SS18L1: variants seen among roughly 807,000 people sequenced by gnomAD.
SS18L1 encodes calcium-responsive transactivator.
SS18L1 carries 32 observed loss-of-function variants against 70.3 expected under a neutral mutation model. That is an observed-to-expected ratio of 0.46 (90% CI 0.34 to 0.61). The LOEUF is 0.61. SS18L1 is among the 20% of genes least tolerant of loss of function. The pLI, the probability that SS18L1 is intolerant of heterozygous loss-of-function variation, is 0.01. For synonymous variants in SS18L1, 237 were observed against 229.7 expected (o/e 1.03, Z -0.29); for missense variants, 430 against 542.1 (o/e 0.79, Z 2.05).
In SS18L1 at chr20:62,179,414, T is replaced by C. The variant is rs2057675234; in HGVS notation, c.*206T>C. On this transcript the variant is annotated 3_prime_UTR_variant, in exon 11 of 11. Transcript: ENST00000331758. ...ACAGCGCTTGGTGGTGTGATACTTT[T>C]GGTGCTGTGTATAGTATTGTATGTC... 4.8e-6 allele frequency: 3 copies of C among 619,682 alleles called. No individual in the cohort carries two copies. The highest frequency in any genetic ancestry group is 5.8e-6 in the Non-Finnish European group (2 of 344,572). The allele number at this position is 619,682 out of a possible 1,614,324, so 38.4% of individuals were successfully genotyped here.
chr20:62,146,605 ATTTTTTT>A (rs10673768), intron 1 of SS18L1, among the ~76,000 whole-genome samples: 4 of 79,714 alleles, frequency 5.0e-5, no homozygotes, highest in Admixed American at 1.9e-4. Context: ...TGCTTTGATC[ATTTTTTT>A]TTTTTTTTTT....
chr20:62,173,164 C>A (rs2057563060), intron 9 of SS18L1, among the ~76,000 whole-genome samples: 1 of 152,226 alleles, frequency 6.6e-6, no homozygotes, highest in African/African-American at 2.4e-5. Context: ...GTATCCATCA[C>A]CTGCACGCCT....
chr20:62,165,050 G>A (rs763161462), intron 7 of SS18L1, among the ~76,000 whole-genome samples: 36 of 152,334 alleles, frequency 2.4e-4, no homozygotes, highest in South Asian at 8.3e-4. Flanking sequence ...GCCACGTGAT[G>A]GTCACATGCA....
intron 8 of SS18L1, among the ~76,000 whole-genome samples, chr20:62,171,567 G>A (rs1291016561): frequency 6.6e-6 from 1 of 152,194 alleles, no homozygotes; most frequent in East Asian, 1.9e-4. Context: ...CCTAACTACA[G>A]ATTGAATTAC....
At chr20:62,169,993 T>C (rs73613550) in intron 8 of SS18L1, among the ~76,000 whole-genome samples, 19,495 of 152,166 alleles carry the variant, frequency 0.13, 1,780 homozygotes, top group African/African-American at 0.25. Context: ...CCCTGGGCAG[T>C]GCTGGGGCCG....
chr20:62,176,461 C>T (rs552806410), intron 10 of SS18L1, among the ~76,000 whole-genome samples: 4 of 152,194 alleles, frequency 2.6e-5, no homozygotes, highest in South Asian at 2.1e-4. Context: ...TGTAGTGAGT[C>T]GTGATTGCAC....
At chr20:62,154,406 G>T (rs2057186111) in intron 1 of SS18L1, 3 of 1,046,118 alleles carry the variant, frequency 2.9e-6, no homozygotes, top group Non-Finnish European at 3.5e-6. Context: ...CGGCGGACTA[G>T]AATTTCTACG....
Position 62,161,945 on chromosome 20 carries a change from G to A in SS18L1, c.376+365G>A, listed in dbSNP as rs190489553. On this transcript the variant is annotated intron_variant, in intron 4 of 10. Transcript: ENST00000331758. The surrounding 1 kb of genome is among the most constrained non-coding windows in gnomAD (Gnocchi z 4.4). Reference sequence around the variant, plus strand: ...CATTAACAGTAATATAACAGGCCGGGTGTGGTGGCTCAGATCTCTAATCCC... The same window carrying A: ...CATTAACAGTAATATAACAGGCCGGATGTGGTGGCTCAGATCTCTAATCCC... Among the ~76,000 whole-genome samples, 110 of 152,354 alleles carry A rather than the reference G, an allele frequency of 7.2e-4. No homozygotes were observed. Among genetic ancestry groups the A allele is most frequent in the Admixed American group, 3.3e-3 (51 of 15,304 alleles).
intron 8 of SS18L1, among the ~76,000 whole-genome samples, chr20:62,170,630 A>G (rs767583946): frequency 5.3e-5 from 8 of 152,218 alleles, no homozygotes; most frequent in Non-Finnish European, 1.2e-4. Flanking sequence ...GATTTCATGC[A>G]ACACATCTGA....
At chr20:62,179,081 T>C (rs1358291482) in intron 10 of SS18L1, 101 bp from the exon 11 acceptor site, 1 of 1,310,812 alleles carries the variant, frequency 7.6e-7, no homozygotes, top group Admixed American at 1.8e-5. Flanking sequence ...GGTTGTTTGC[T>C]TGCTGTTGTC....
At chr20:62,155,155 C>T (rs200670236) in intron 1 of SS18L1, among the ~76,000 whole-genome samples, 5 of 152,016 alleles carry the variant, frequency 3.3e-5, no homozygotes, top group East Asian at 1.9e-4. Context: ...GTAATGAGCA[C>T]TTGGGGAGGC....
At chr20:62,168,539 G>C (rs1471063506) in intron 8 of SS18L1, among the ~76,000 whole-genome samples, 1 of 151,912 alleles carries the variant, frequency 6.6e-6, no homozygotes, top group East Asian at 1.9e-4. Context: ...CCCAGCATCA[G>C]GCCAGGTGCA....
chr20:62,174,843 G>C lies in SS18L1; in HGVS notation c.1164+199G>C. ...TACGCTCACCTCAGTCATCCAGCTG[G>C]CTTTTCATACCCTAAGCTCACCGTT... On this transcript the variant is annotated intron_variant, in intron 10 of 10. Transcript: ENST00000331758. This position sits in a 1 kb window ranked among gnomAD's most constrained non-coding sequence, Gnocchi z 4.1. 1 of 1,459,690 alleles carries C rather than the reference G, an allele frequency of 6.9e-7. No homozygotes were observed. The highest frequency in any genetic ancestry group is 9.1e-7 in the Non-Finnish European group (1 of 1,102,698). 90.4% of individuals were successfully genotyped at this position (1,459,690 alleles called of 1,614,324 possible).
At chr20:62,163,926 C>T (rs1021534144) in intron 6 of SS18L1, among the ~76,000 whole-genome samples, 14 of 152,060 alleles carry the variant, frequency 9.2e-5, no homozygotes, top group African/African-American at 2.9e-4. Flanking sequence ...CCGAGGTGGG[C>T]GGATCACCTG....
intron 10 of SS18L1, among the ~76,000 whole-genome samples, chr20:62,178,951 CGCAGCGATGCCAGTGT>C (rs1404046116): frequency 6.6e-6 from 1 of 152,196 alleles, no homozygotes; most frequent in Non-Finnish European, 1.5e-5. Context: ...CAGGCCCGGC[CGCAGCGATGCCAGTGT>C]GTGACTGAAC....
intron 6 of SS18L1, among the ~76,000 whole-genome samples, 181 bp downstream of exon 6, chr20:62,163,803 G>A (rs899157765): frequency 2.0e-5 from 3 of 152,036 alleles, no homozygotes; most frequent in East Asian, 1.9e-4. Flanking sequence ...CCAGGGTGTG[G>A]CCCGTGGAGG....
Position 62,164,188 on chromosome 20 carries a change from G to A in SS18L1, c.765G>A (p.Glu255=). The change falls in exon 7 of 11, where the codon GAG becomes GAA. Residue 255 remains glutamate, a synonymous_variant. Transcript: ENST00000331758. ...QYLGQEEYYG[E]QYSHSQGAAE... ...TGGGCCAGGAGGAGTACTATGGCGA[G>A]CAGTACAGCCACAGCCAGGGCGCCG... is the stretch of plus-strand genomic sequence containing the variant. 5 of 1,550,184 alleles carry A rather than the reference G, an allele frequency of 3.2e-6. No individual in the cohort carries two copies. The highest frequency in any genetic ancestry group is 4.4e-6 in the Non-Finnish European group (5 of 1,146,736).
Position 62,179,214 on chromosome 20 carries a change from A to G in SS18L1, c.*6A>G, listed in dbSNP as rs767866875. On this transcript the variant is annotated 3_prime_UTR_variant, in exon 11 of 11. Transcript: ENST00000331758. ...ATGGAAATTACCAGCAGTAAGGGAC[A>G]CACATTCTGGCTGGAGCCCTTGTGG... 4 of 1,614,036 alleles carry G rather than the reference A, an allele frequency of 2.5e-6. No individual in the cohort carries two copies. In the African/African-American group the frequency reaches 5.3e-5, roughly 22 times the overall value.
Position 62,165,402 on chromosome 20 carries a change from G to A in SS18L1, c.824-20G>A, listed in dbSNP as rs368502247. The A allele has an allele frequency of 3.7e-4, 592 of 1,604,084 alleles. 2 individuals are homozygous for A. Among genetic ancestry groups the A allele is most frequent in the South Asian group, 2.0e-3 (184 of 89,908 alleles). ...CAGTGCACAGCCTCCGCTGACTGTC[G>A]CCGTCTCCGTTTCGCACAGGCCATG... On this transcript the variant is annotated intron_variant, in intron 7 of 10. Transcript: ENST00000331758.
Sources: gnomAD v4.1 joint callset for allele counts (sites outside exome capture counted in the v4.1 genomes callset) on GRCh38, gnomAD v4.1.1 for gene constraint, Gnocchi (gnomAD v3.1) non-coding constraint, MANE v1.5 for transcripts, NCBI Gene and HGNC (gene_info 2026-07-23, HGNC 2026-07-21) for gene names.